Variants in NEXMIF observed in about 807,000 individuals in gnomAD.
NEXMIF encodes neurite extension and migration factor.
NEXMIF carries 8 observed loss-of-function variants against 62.1 expected under a neutral mutation model. The ratio of observed to expected loss-of-function variants is 0.13; its 90% CI spans 0.08 to 0.23. NEXMIF has a LOEUF of 0.23. Ranked by LOEUF, NEXMIF falls within the 10% of genes least tolerant of loss-of-function variation. The pLI, the probability that NEXMIF is intolerant of heterozygous loss-of-function variation, is 1.00. For synonymous variants in NEXMIF, 404 were observed against 416.6 expected, an observed-to-expected ratio of 0.97 and a Z score of 0.37; for missense variants, 976 against 1,113.3, an observed-to-expected ratio of 0.88 and a Z score of 1.75.
intron 1 of NEXMIF, among the ~76,000 whole-genome samples, chrX:74,749,627 C>T (rs1257173575): frequency 1.8e-5 from 2 of 110,673 alleles, no homozygotes; most frequent in Non-Finnish European, 3.8e-5. Flanking sequence ...TTCCCCTTTC[C>T]CAACCTCCCT....
intron 1 of NEXMIF, among the ~76,000 whole-genome samples, chrX:74,865,729 T>C (rs1029500143): frequency 8.9e-6 from 1 of 111,845 alleles, no homozygotes; most frequent in Admixed American, 9.5e-5. Context: ...CATCCCAGCC[T>C]CTCTAGCCAT....
chrX:74,789,977 G>T (rs370444147), intron 1 of NEXMIF, among the ~76,000 whole-genome samples: 12 of 100,526 alleles, frequency 1.2e-4, no homozygotes, highest in African/African-American at 3.9e-4. Flanking sequence ...CTCTTTAGTT[G>T]AATTAGATCC....
At chrX:74,866,091 C>T (rs775971311) in intron 1 of NEXMIF, among the ~76,000 whole-genome samples, 17 of 111,351 alleles carry the variant, frequency 1.5e-4, no homozygotes, top group Admixed American at 9.5e-4. Context: ...ACCATGTTCC[C>T]GGAAATGCCA....
At chrX:74,774,891 C>A (rs2080224206) in intron 1 of NEXMIF, among the ~76,000 whole-genome samples, 3 of 111,640 alleles carry the variant, frequency 2.7e-5, no homozygotes, top group African/African-American at 9.8e-5. Flanking sequence ...TGCACACTCA[C>A]ATTTTGATCT....
At chrX:74,783,236 A>T (rs978910048) in intron 1 of NEXMIF, among the ~76,000 whole-genome samples, 10 of 111,628 alleles carry the variant, frequency 9.0e-5, no homozygotes, top group African/African-American at 3.3e-4. Context: ...AAAATAATAA[A>T]TAAGAAAGTG....
At chrX:74,791,613 C>T (rs1333508570) in intron 1 of NEXMIF, among the ~76,000 whole-genome samples, 2 of 110,884 alleles carry the variant, frequency 1.8e-5, no homozygotes, top group South Asian at 3.9e-4. Flanking sequence ...GTCCTGGACT[C>T]TTTTTGGTTG....
intron 1 of NEXMIF, among the ~76,000 whole-genome samples, chrX:74,834,148 A>AG (rs909584946): frequency 7.3e-5 from 8 of 108,973 alleles, no homozygotes; most frequent in Admixed American, 2.0e-4. Context: ...AAAAAAAAAA[A>AG]AAAGAAAGAA....
At chrX:74,878,747 A>C (rs1038261679) in intron 1 of NEXMIF, among the ~76,000 whole-genome samples, 15 of 111,982 alleles carry the variant, frequency 1.3e-4, no homozygotes, top group Non-Finnish European at 2.3e-4. Context: ...GAGTGACCCG[A>C]TTTTCCAGGT....
At position 74,877,630 on chromosome X, in the gene NEXMIF, A is replaced by G. The variant is rs1427057055; in HGVS notation, c.-48+47253T>C. Among the ~76,000 whole-genome samples, 45 of 111,548 alleles carry G rather than the reference A, an allele frequency of 4.0e-4. 1 individual carries two copies. The highest frequency in any genetic ancestry group is 1.6e-3 in the Admixed American group (17 of 10,502). On this transcript the variant is annotated intron_variant, in intron 1 of 3. Transcript: ENST00000055682. The stretch of plus-strand genomic sequence containing the variant: ...CTCCCCGTCACTTTCAGGTACACCA[A>G]TCAGACGTAGATTTGGTCTTTTCAC...
At chrX:74,745,966 G>A (rs912334824) in intron 1 of NEXMIF, among the ~76,000 whole-genome samples, 6 of 111,203 alleles carry the variant, frequency 5.4e-5, no homozygotes, top group Non-Finnish European at 9.4e-5. Context: ...GCAGACAAAC[G>A]TATCCCTTCC....
chrX:74,748,276 C>G (rs2080131983), intron 1 of NEXMIF, among the ~76,000 whole-genome samples: 1 of 112,118 alleles, frequency 8.9e-6, no homozygotes, highest in Admixed American at 9.5e-5. Context: ...GGCCTTTGTT[C>G]TCCAGAATTA....
At chrX:74,920,272 T>A (rs1468792622) in intron 1 of NEXMIF, among the ~76,000 whole-genome samples, 1 of 110,976 alleles carries the variant, frequency 9.0e-6, no homozygotes. Context: ...TTTCTCCACA[T>A]CCTCTCCAGC....
chrX:74,843,831 A>T (rs2080482323), intron 1 of NEXMIF, among the ~76,000 whole-genome samples: 1 of 112,116 alleles, frequency 8.9e-6, no homozygotes, highest in African/African-American at 3.2e-5. Flanking sequence ...TTGTGCTGTT[A>T]GCTGGTTATG....
intron 1 of NEXMIF, among the ~76,000 whole-genome samples, chrX:74,877,819 C>G (rs1424012285): frequency 8.9e-6 from 1 of 112,005 alleles, no homozygotes; most frequent in African/African-American, 3.2e-5. Flanking sequence ...ACGTAGTTCT[C>G]GAGCCTTGGT....
At chrX:74,873,325 A>C (rs1338765036) in intron 1 of NEXMIF, among the ~76,000 whole-genome samples, 4 of 111,913 alleles carry the variant, frequency 3.6e-5, no homozygotes, top group Admixed American at 1.9e-4. Flanking sequence ...TGAACTCATC[A>C]TTTTTTATGG....
chrX:74,787,592 T>C (rs1187350213), intron 1 of NEXMIF, among the ~76,000 whole-genome samples: 1 of 111,885 alleles, frequency 8.9e-6, no homozygotes, highest in Non-Finnish European at 1.9e-5. Flanking sequence ...ACTTCTTACA[T>C]ACAGGCCCAC....
At chrX:74,761,946 G>C (rs2080177642) in intron 1 of NEXMIF, among the ~76,000 whole-genome samples, 1 of 110,874 alleles carries the variant, frequency 9.0e-6, no homozygotes, top group Non-Finnish European at 1.9e-5. Flanking sequence ...CTTAAATTCT[G>C]CCTCAATTTC....
rs144979461 is a variant in NEXMIF, at chrX:74,909,523, A to G, written c.-48+15360T>C. Among the ~76,000 whole-genome samples the G allele has an allele frequency of 9.5e-3, 1,059 of 111,993 alleles. 16 individuals are homozygous for G. The highest frequency in any genetic ancestry group is 0.032 in the African/African-American group (992 of 30,800). ...GCATTCCCTTTTATAAGGGAAACAGAGCATAAACGTTCAGATAATTTGTAG... is the reference window on the plus strand; with the variant it reads ...GCATTCCCTTTTATAAGGGAAACAGGGCATAAACGTTCAGATAATTTGTAG... On this transcript the variant is annotated intron_variant, in intron 1 of 3. Coordinates refer to ENST00000055682, the MANE Select transcript of NEXMIF (RefSeq NM_001008537.3).
intron 1 of NEXMIF, among the ~76,000 whole-genome samples, chrX:74,923,329 A>T (rs955116773): frequency 4.5e-5 from 5 of 112,096 alleles, no homozygotes; most frequent in African/African-American, 1.6e-4. Flanking sequence ...ATAAAAATGT[A>T]CCAGCCCAAA....
Sources: gnomAD v4.1 joint callset for allele counts (sites outside exome capture counted in the v4.1 genomes callset) on GRCh38, gnomAD v4.1.1 for gene constraint, MANE v1.5 for transcripts, NCBI Gene and HGNC (gene_info 2026-07-23, HGNC 2026-07-21) for gene names.